Variants in WWOX observed in about 807,000 individuals in gnomAD.
WWOX encodes WW domain-containing oxidoreductase.
A neutral mutation model predicts 46.2 loss-of-function variants in WWOX; 69 were observed. The ratio of observed to expected loss-of-function variants is 1.49; its 90% confidence interval spans 1.23 to 1.82. WWOX has a LOEUF of 1.82. Among genes scored for constraint, WWOX ranks in the 40% most tolerant of loss-of-function variants. The probability of loss-of-function intolerance (pLI) is 0.00; values close to 1 mark genes in which losing one functional copy is unlikely to be tolerated. For synonymous variants in WWOX, 359 were observed against 202.6 expected (o/e 1.77, Z -6.56); for missense variants, 919 against 542.6 (o/e 1.69, Z -6.89).
chr16:78,761,226 G>C (rs969140078), intron 8 of WWOX, among the ~76,000 whole-genome samples: 4 of 152,014 alleles, frequency 2.6e-5, no homozygotes, highest in Non-Finnish European at 4.4e-5. Flanking sequence ...CATCTTTTCT[G>C]GACTAGGTTT....
At chr16:78,743,730 C>T (rs2049284469) in intron 8 of WWOX, among the ~76,000 whole-genome samples, 1 of 152,146 alleles carries the variant, frequency 6.6e-6, no homozygotes, top group African/African-American at 2.4e-5. Flanking sequence ...CTTCGCTTCA[C>T]CCTCTGATTG....
At chr16:78,980,759 T>A (rs901213426) in intron 8 of WWOX, among the ~76,000 whole-genome samples, 4 of 152,188 alleles carry the variant, frequency 2.6e-5, no homozygotes, top group Non-Finnish European at 1.5e-5. Flanking sequence ...TTTCTTACTT[T>A]TTGAATAAGT....
In WWOX at chr16:78,143,490, G is replaced by A. The variant is rs548633600; in HGVS notation, c.410-20693G>A. 2.6e-5 allele frequency among the ~76,000 whole-genome samples: 4 copies of A among 152,268 alleles called. No individual in the cohort carries two copies. The South Asian group carries it at 8.3e-4, about 32-fold the overall frequency. On this transcript the variant is annotated intron_variant, in intron 4 of 8. Coordinates refer to ENST00000566780, the MANE Select transcript of WWOX (RefSeq NM_016373.4). ...TAAATCAGGTTTTATTGGAACACGG[G>A]TGCTCATCGTTTACATATCGCCCAT...
At chr16:78,897,870 G>T (rs1413828485) in intron 8 of WWOX, 2 of 152,068 alleles carry the variant, frequency 1.3e-5, no homozygotes, top group Non-Finnish European at 2.9e-5. Context: ...CTTTTTGTGG[G>T]TGAGAAACGC....
intron 5 of WWOX, among the ~76,000 whole-genome samples, chr16:78,252,163 C>G (rs1177210355): frequency 6.6e-6 from 1 of 152,034 alleles, no homozygotes; most frequent in Non-Finnish European, 1.5e-5. Context: ...ACTTGTCTCC[C>G]ACATTGAAAG....
At chr16:79,187,619 C>G (rs868237417) in intron 8 of WWOX, among the ~76,000 whole-genome samples, 2 of 152,338 alleles carry the variant, frequency 1.3e-5, no homozygotes, top group Middle Eastern at 6.8e-3. Flanking sequence ...GTTGGCCAGG[C>G]TGGTCTTGAA....
intron 8 of WWOX, among the ~76,000 whole-genome samples, chr16:79,131,245 G>C (rs2049872190): frequency 6.6e-6 from 1 of 152,118 alleles, no homozygotes; most frequent in South Asian, 2.1e-4. Context: ...ATTTGTGAGA[G>C]TGAGACACAA....
intron 8 of WWOX, chr16:78,890,109 A>G (rs1428352871): frequency 2.0e-5 from 3 of 152,212 alleles, no homozygotes; most frequent in Non-Finnish European, 4.4e-5. Context: ...ATGTACACAC[A>G]TACACATACA....
At chr16:78,303,246 A>G (rs1294752090) in intron 5 of WWOX, among the ~76,000 whole-genome samples, 3 of 152,172 alleles carry the variant, frequency 2.0e-5, no homozygotes, top group African/African-American at 7.2e-5. Flanking sequence ...TCTTTTTCTG[A>G]TAGACAAAGT....
intron 8 of WWOX, among the ~76,000 whole-genome samples, chr16:78,994,974 T>TC (rs2046960377): frequency 6.9e-6 from 1 of 143,962 alleles, no homozygotes; most frequent in South Asian, 2.2e-4. Context: ...TTCTTCTTTT[T>TC]TTTTTTTTTT....
At chr16:78,287,692 G>A (rs1039849742) in intron 5 of WWOX, among the ~76,000 whole-genome samples, 4 of 152,044 alleles carry the variant, frequency 2.6e-5, no homozygotes. Context: ...AGGCCAAAAC[G>A]GCCATCTCCT....
chr16:78,384,648 G>A (rs139856230), intron 5 of WWOX, among the ~76,000 whole-genome samples: 404 of 152,148 alleles, frequency 2.7e-3, no homozygotes, highest in African/African-American at 9.4e-3. Context: ...AACAACCCAC[G>A]TGTGGGCGTT....
chr16:78,147,146 A>T (rs1214932341), intron 4 of WWOX, among the ~76,000 whole-genome samples: 1 of 147,202 alleles, frequency 6.8e-6, no homozygotes, highest in African/African-American at 2.5e-5. Flanking sequence ...AGATTATCAG[A>T]GATACTTTTT....
intron 8 of WWOX, among the ~76,000 whole-genome samples, chr16:78,534,954 T>C (rs1043920414): frequency 5.3e-5 from 8 of 152,142 alleles, no homozygotes; most frequent in African/African-American, 7.2e-5. Context: ...CCTCATGATC[T>C]GTTCGTCTCA....
intron 8 of WWOX, chr16:78,897,669 T>C (rs1308827066): frequency 2.0e-5 from 3 of 152,192 alleles, no homozygotes; most frequent in Non-Finnish European, 4.4e-5. Context: ...TATGCCCTTA[T>C]GTTTTTATGT....
chr16:78,344,444 G>A lies in WWOX; in HGVS notation c.517-42416G>A, dbSNP rs532941228. Among the ~76,000 whole-genome samples, 4 of 121,558 alleles carry A rather than the reference G, an allele frequency of 3.3e-5. No homozygotes were observed. The South Asian group carries it at 9.9e-4, about 30-fold the overall frequency. The allele number at this position is 121,558 out of a possible 152,430, so 79.7% of individuals were successfully genotyped here. A position where few individuals can be genotyped will look rare whatever the true frequency, so the allele number is the denominator to read the frequency against. On this transcript the variant is annotated intron_variant, in intron 5 of 8. Transcript: ENST00000566780. ...CCAGCAAGGAAGATGGAATTACCAC[G>A]AGGAACCTGTTCTCTTATGTTTCTG... is the stretch of plus-strand genomic sequence containing the variant.
At chr16:78,783,259 A>G (rs2050374118) in intron 8 of WWOX, among the ~76,000 whole-genome samples, 1 of 152,224 alleles carries the variant, frequency 6.6e-6, no homozygotes. Flanking sequence ...AGATTTCAAC[A>G]GGCTCCTGTT....
At chr16:78,460,850 G>C (rs914065326) in intron 8 of WWOX, among the ~76,000 whole-genome samples, 1 of 152,210 alleles carries the variant, frequency 6.6e-6, no homozygotes, top group African/African-American at 2.4e-5. Context: ...TGTTACGTGA[G>C]GACACATCAC....
At position 78,340,025 on chromosome 16, in the gene WWOX, G is replaced by GT. The variant is rs1462303633; in HGVS notation, c.517-46835_517-46834insT. Among the ~76,000 whole-genome samples, 28 of 45,580 alleles carry GT rather than the reference G, an allele frequency of 6.1e-4. 11 individuals carry two copies. The highest frequency in any genetic ancestry group is 1.7e-3 in the African/African-American group (25 of 14,792). The allele number at this position is 45,580 out of a possible 152,430, so 29.9% of individuals were successfully genotyped here. ...TCTTTCCATGGATTTGGTGGGGGGGGGGGGGACGTTTCTATTTCCTTTATG... is the reference window on the plus strand; with the variant it reads ...TCTTTCCATGGATTTGGTGGGGGGGGTGGGGGACGTTTCTATTTCCTTTATG... On this transcript the variant is annotated intron_variant, in intron 5 of 8. Coordinates refer to ENST00000566780, the MANE Select transcript of WWOX (RefSeq NM_016373.4).
Sources: allele counts gnomAD v4.1 joint callset (sites outside exome capture counted in the v4.1 genomes callset), GRCh38; gene constraint gnomAD v4.1.1; transcripts MANE v1.5; gene names NCBI Gene and HGNC (gene_info 2026-07-23, HGNC 2026-07-21).